The following BPIFC variants were observed in gnomAD, a reference collection of about 807,000 sequenced individuals.
BPIFC encodes the protein BPI fold-containing family C protein.
BPIFC carries 60 observed loss-of-function variants against 57.6 expected under a neutral mutation model. That is an observed-to-expected ratio of 1.04 (90% confidence interval 0.85 to 1.29). The LOEUF is 1.29. Ranked by LOEUF, BPIFC falls within the 50% of genes most tolerant of loss-of-function variation. The pLI is 0.00. For synonymous variants in BPIFC, 243 were observed against 224.5 expected, an observed-to-expected ratio of 1.08 and a Z score of -0.74; for missense variants, 581 against 600.5, an observed-to-expected ratio of 0.97 and a Z score of 0.34.
At chr22:32,455,012 A>G (rs1048636649) in intron 3 of BPIFC, among the ~76,000 whole-genome samples, 1 of 149,570 alleles carries the variant, frequency 6.7e-6, no homozygotes, top group Non-Finnish European at 1.5e-5. Flanking sequence ...TTCCACAACA[A>G]TCCTATGGGT....
chr22:32,417,182 G>T, intron 14 of BPIFC, 34 bp from the exon 15 acceptor site: 70 of 1,250,506 alleles, frequency 5.6e-5, no homozygotes, highest in Middle Eastern at 2.0e-4. Flanking sequence ...TCAATTGGCA[G>T]ATCGGGCTTT....
intron 13 of BPIFC, among the ~76,000 whole-genome samples, chr22:32,427,388 C>A (rs1934097571): frequency 6.6e-6 from 1 of 152,104 alleles, no homozygotes; most frequent in African/African-American, 2.4e-5. Context: ...TTAAATTCTT[C>A]CTTGAGATCC....
At chr22:32,427,719 A>T (rs1350710338) in intron 13 of BPIFC, among the ~76,000 whole-genome samples, 1 of 152,016 alleles carries the variant, frequency 6.6e-6, no homozygotes, top group Admixed American at 6.6e-5. Flanking sequence ...AGAACTGCCA[A>T]ATATCACACC....
chr22:32,437,990 T>C, intron 8 of BPIFC, 139 bp from the exon 9 acceptor site: 2 of 556,098 alleles, frequency 3.6e-6, no homozygotes, highest in Non-Finnish European at 6.2e-6. Flanking sequence ...AAGTAATACA[T>C]GTTATCTTTT....
In BPIFC at chr22:32,434,263, A is replaced by C. The variant is rs996160357; in HGVS notation, c.925-491T>G. Among the ~76,000 whole-genome samples the C allele has an allele frequency of 2.0e-5, 3 of 148,964 alleles. No individual in the cohort carries two copies. The Admixed American group carries it at 2.0e-4, about 10-fold the overall frequency. Reference sequence around the variant, plus strand: ...TATATATATTACAATCTATGTGTACATATTCTTCATTTATATATTACACTC... The same window carrying C: ...TATATATATTACAATCTATGTGTACCTATTCTTCATTTATATATTACACTC... On this transcript the variant is annotated intron_variant, in intron 10 of 16. Coordinates refer to ENST00000300399, the MANE Select transcript of BPIFC (RefSeq NM_174932.3).
At chr22:32,428,781 C>G (rs1331545858) in intron 13 of BPIFC, among the ~76,000 whole-genome samples, 2 of 152,136 alleles carry the variant, frequency 1.3e-5, no homozygotes, top group East Asian at 3.9e-4. Flanking sequence ...CGCCTGTAAT[C>G]CCAGCTACTT....
At chr22:32,425,867 T>C (rs1934053568) in intron 13 of BPIFC, among the ~76,000 whole-genome samples, 1 of 152,204 alleles carries the variant, frequency 6.6e-6, no homozygotes, top group African/African-American at 2.4e-5. Context: ...ACACTTTACC[T>C]GTATTAACTC....
intron 4 of BPIFC, among the ~76,000 whole-genome samples, chr22:32,451,335 C>A (rs117367221): frequency 6.6e-6 from 1 of 152,178 alleles, no homozygotes; most frequent in East Asian, 1.9e-4. Flanking sequence ...GATAAACATA[C>A]GTGTGCATGT....
chr22:32,418,127 C>T (rs1220270765), intron 14 of BPIFC, among the ~76,000 whole-genome samples: 1 of 152,136 alleles, frequency 6.6e-6, no homozygotes, highest in Non-Finnish European at 1.5e-5. Flanking sequence ...AAAATAGTGG[C>T]CACTGTTCAT....
At chr22:32,433,664 A>G in intron 11 of BPIFC, 55 bp downstream of exon 11, 2 of 1,496,238 alleles carry the variant, frequency 1.3e-6, no homozygotes, top group Non-Finnish European at 1.9e-6. Context: ...AGTCTTCCAG[A>G]AGTAATTGCA....
intron 7 of BPIFC, among the ~76,000 whole-genome samples, chr22:32,443,092 G>C (rs1274714377): frequency 2.0e-5 from 3 of 152,110 alleles, no homozygotes; most frequent in Admixed American, 1.3e-4. Context: ...CTGACTGCTG[G>C]GGGTGCCGCC....
intron 1 of BPIFC, among the ~76,000 whole-genome samples, chr22:32,463,645 T>G (rs1935206447): frequency 6.6e-6 from 1 of 152,072 alleles, no homozygotes; most frequent in Non-Finnish European, 1.5e-5. Flanking sequence ...GGTTGAAAAA[T>G]TAAGTTCAAC....
At chr22:32,443,354 G>A (rs573683190) in intron 7 of BPIFC, among the ~76,000 whole-genome samples, 43 of 152,124 alleles carry the variant, frequency 2.8e-4, no homozygotes, top group Non-Finnish European at 5.1e-4. Context: ...TAGTAGAGAC[G>A]GGGTTTCACC....
At chr22:32,457,559 G>GTCCATCCATCCATCCATCCA (rs71320927) in intron 2 of BPIFC, among the ~76,000 whole-genome samples, 173 bp from the exon 3 acceptor site, 1 of 148,788 alleles carries the variant, frequency 6.7e-6, no homozygotes, top group Non-Finnish European at 1.5e-5. Context: ...CCATCCATCC[G>GTCCATCCATCCATCCATCCA]TCCATCCATC....
At chr22:32,460,092 T>C (rs1157257541) in intron 2 of BPIFC, among the ~76,000 whole-genome samples, 2 of 152,010 alleles carry the variant, frequency 1.3e-5, no homozygotes, top group Non-Finnish European at 2.9e-5. Flanking sequence ...AATGGGGCAA[T>C]GTATATAAAG....
intron 13 of BPIFC, among the ~76,000 whole-genome samples, chr22:32,430,648 TA>T (rs772524999): frequency 3.3e-5 from 5 of 150,686 alleles, no homozygotes; most frequent in South Asian, 2.1e-4. Context: ...GAGAGAGATA[TA>T]TTTTTTTGAG....
At chr22:32,456,190 T>A (rs9621457) in intron 3 of BPIFC, among the ~76,000 whole-genome samples, 44,683 of 152,194 alleles carry the variant, frequency 0.29, 6,998 homozygotes, top group East Asian at 0.57. Context: ...ATGTATTTCT[T>A]TGCACATCAG....
chr22:32,437,692 A>G, intron 9 of BPIFC, 68 bp downstream of exon 9: 1 of 1,205,184 alleles, frequency 8.3e-7, no homozygotes, highest in Non-Finnish European at 1.2e-6. Context: ...TGCCCAGTCC[A>G]TAATCATTGT....
At chr22:32,448,570 G>T (rs966972530) in intron 4 of BPIFC, among the ~76,000 whole-genome samples, 27 of 152,128 alleles carry the variant, frequency 1.8e-4, no homozygotes, top group Non-Finnish European at 1.5e-5. Context: ...GATTCTCTGG[G>T]CTGTCAAAAG....
Sources: allele counts gnomAD v4.1 joint callset (sites outside exome capture counted in the v4.1 genomes callset), GRCh38; gene constraint gnomAD v4.1.1; transcripts MANE v1.5; gene names NCBI Gene and HGNC (gene_info 2026-07-23, HGNC 2026-07-21).